Variants in SOD2 observed in about 807,000 individuals in gnomAD.
SOD2 encodes the protein superoxide dismutase 2, also known as superoxide dismutase [Mn], mitochondrial.
Under a neutral mutation model 27.0 loss-of-function variants are expected in SOD2, and 11 were observed. The ratio of observed to expected loss-of-function variants is 0.41; its 90% CI spans 0.26 to 0.67. The LOEUF is 0.67. SOD2 is among the 30% of genes least tolerant of loss of function. The pLI is 0.34. For missense variants in SOD2, 250 were observed against 274.5 expected, an observed-to-expected ratio of 0.91 and a Z score of 0.63; for synonymous variants, 105 against 103.0, an observed-to-expected ratio of 1.02 and a Z score of -0.12.
chr6:159,720,744 C>T (rs928820495), intron 1 of SOD2, among the ~76,000 whole-genome samples: 3 of 150,668 alleles, frequency 2.0e-5, no homozygotes, highest in African/African-American at 7.3e-5. Context: ...CTTGTATTCT[C>T]TGTAAACTGG....
intron 1 of SOD2, among the ~76,000 whole-genome samples, chr6:159,710,270 C>CATATATATATATATATATAT (rs141490345): frequency 7.7e-5 from 11 of 143,476 alleles, no homozygotes; most frequent in African/African-American, 2.9e-4. Context: ...AGTATAAATA[C>CATATATATATATATATATAT]ATATATATAT....
chr6:159,720,651 AT>A (rs1778017860), intron 1 of SOD2: 2 of 152,126 alleles, frequency 1.3e-5, no homozygotes, highest in African/African-American at 4.8e-5. Context: ...CTCAATAACT[AT>A]TTATTGCTTA....
At chr6:159,708,833 C>T (rs1051093237) in intron 1 of SOD2, among the ~76,000 whole-genome samples, 11 of 152,156 alleles carry the variant, frequency 7.2e-5, no homozygotes, top group African/African-American at 2.7e-4. Flanking sequence ...GCCAAAAGAA[C>T]AAAGCTGGAG....
At chr6:159,711,941 C>T (rs1461612621) in intron 1 of SOD2, among the ~76,000 whole-genome samples, 3 of 125,074 alleles carry the variant, frequency 2.4e-5, no homozygotes, top group Non-Finnish European at 5.2e-5. Flanking sequence ...AACCACCACT[C>T]ACATTGCTCT....
At chr6:159,731,186 G>A (rs2114871352), upstream of SOD2, among the ~76,000 whole-genome samples, 1 of 151,710 alleles carries the variant, frequency 6.6e-6, no homozygotes, top group Non-Finnish European at 1.5e-5. Flanking sequence ...TGCAGGCTGG[G>A]CATGGTGGCT....
In SOD2 at chr6:159,678,426, C is replaced by A. The variant is rs996710547; in HGVS notation, c.*4067G>T. On this transcript the variant is annotated 3_prime_UTR_variant, in exon 5 of 5. Coordinates refer to ENST00000538183, the MANE Select transcript of SOD2 (RefSeq NM_000636.4). ...CTTGTAATCCCAGCTACTTGGGAGG[C>A]TGAGGCATGAGAATCGCTTGAACTC... The A allele has an allele frequency of 6.6e-6, 1 of 152,168 alleles. No homozygotes were observed. Among genetic ancestry groups the A allele is most frequent in the Non-Finnish European group, 1.5e-5 (1 of 68,094 alleles). 9.4% of individuals were successfully genotyped at this position (152,168 alleles called of 1,614,324 possible). A position where few individuals can be genotyped will look rare whatever the true frequency, so the allele number is the denominator to read the frequency against.
chr6:159,712,456 T>A (rs201371467), intron 1 of SOD2, among the ~76,000 whole-genome samples: 465 of 16,748 alleles, frequency 0.028, 62 homozygotes, highest in Admixed American at 0.035. Flanking sequence ...TGCTCAGACC[T>A]CCATAACCAC....
chr6:159,690,844 A>C (rs1780428722), intron 2 of SOD2: 1 of 152,192 alleles, frequency 6.6e-6, no homozygotes, highest in South Asian at 2.1e-4. Context: ...GCTTTTAAGA[A>C]CACTTTTCTG....
upstream of SOD2, among the ~76,000 whole-genome samples, chr6:159,746,287 G>C (rs1311744697): frequency 3.9e-5 from 6 of 152,152 alleles, no homozygotes; most frequent in Non-Finnish European, 7.4e-5. Flanking sequence ...GGAGTTTGGA[G>C]GGAATAGGTT....
chr6:159,673,408 C>T lies in SOD2; in HGVS notation c.*9085G>A, dbSNP rs1779710280. On this transcript the variant is annotated 3_prime_UTR_variant, in exon 5 of 5. Coordinates refer to ENST00000538183, the MANE Select transcript of SOD2 (RefSeq NM_000636.4). ...AATTATAACATACTGTCTCAGACCACAGTGCAATCAAACTAGAACTCAGGA... is the reference window on the plus strand; with the variant it reads ...AATTATAACATACTGTCTCAGACCATAGTGCAATCAAACTAGAACTCAGGA... 6.6e-6 allele frequency: 1 copy of T among 152,196 alleles called. No individual in the cohort carries two copies. Among genetic ancestry groups the T allele is most frequent in the African/African-American group, 2.4e-5 (1 of 41,456 alleles). The allele number at this position is 152,196 out of a possible 1,614,324, so 9.4% of individuals were successfully genotyped here. A position where few individuals can be genotyped will look rare whatever the true frequency, so the allele number is the denominator to read the frequency against.
At position 159,755,693 on chromosome 6, in the gene SOD2, C is replaced by A. The variant is rs1482251578; in HGVS notation, c.-336+5344G>T. The A allele has an allele frequency of 1.1e-5, 12 of 1,124,878 alleles. 1 individual carries two copies. In the South Asian group the frequency reaches 1.8e-4, roughly 17 times the overall value. The allele number at this position is 1,124,878 out of a possible 1,614,324, so 69.7% of individuals were successfully genotyped here. On this transcript the variant is annotated intron_variant, in intron 1 of 7. Coordinates refer to the SOD2 transcript ENST00000546087. The stretch of plus-strand genomic sequence containing the variant: ...AGAAAATTAATGCATACTTTTGTCA[C>A]AATTTGCCTTTTTGTGGGTGTACGT...
chr6:159,672,913 A>C lies in SOD2; in HGVS notation c.*9580T>G, dbSNP rs974033838. ...AAGGATGGAGGAAGATCTACCAAGC[A>C]AACGGAAAACAAAAAAAAAGGCCGG... On this transcript the variant is annotated 3_prime_UTR_variant, in exon 5 of 5. Coordinates refer to ENST00000538183, the MANE Select transcript of SOD2 (RefSeq NM_000636.4). The C allele has an allele frequency of 6.6e-6, 1 of 152,108 alleles. No individual in the cohort carries two copies. Among genetic ancestry groups the C allele is most frequent in the African/African-American group, 2.4e-5 (1 of 41,384 alleles). The allele number at this position is 152,108 out of a possible 1,614,324, so 9.4% of individuals were successfully genotyped here. A position where few individuals can be genotyped will look rare whatever the true frequency, so the allele number is the denominator to read the frequency against.
upstream of SOD2, chr6:159,727,588 G>C (rs1044402167): frequency 1.4e-5 from 14 of 986,922 alleles, no homozygotes; most frequent in Middle Eastern, 1.0e-3. Context: ...AGCGCGGCGG[G>C]GCCGGCGGCA....
chr6:159,675,562 T>C lies in SOD2; in HGVS notation c.*6931A>G, dbSNP rs1779760002. 6.6e-6 allele frequency: 1 copy of C among 152,202 alleles called. No homozygotes were observed. Among genetic ancestry groups the C allele is most frequent in the Non-Finnish European group, 1.5e-5 (1 of 68,042 alleles). 9.4% of individuals were successfully genotyped at this position (152,202 alleles called of 1,614,324 possible). On this transcript the variant is annotated 3_prime_UTR_variant, in exon 5 of 5. Coordinates refer to ENST00000538183, the MANE Select transcript of SOD2 (RefSeq NM_000636.4). ...CTAGCCACATGTAGAAAGCTGAAAC[T>C]GGATCCCTTCCTTACACCTTATACA... is the stretch of plus-strand genomic sequence containing the variant.
At position 159,737,574 on chromosome 6, in the gene SOD2, G is replaced by A. The variant is rs150836030; in HGVS notation, c.-116+7556C>T. 5.2e-3 allele frequency among the ~76,000 whole-genome samples: 785 copies of A among 151,958 alleles called. 5 individuals are homozygous for A. Among genetic ancestry groups the A allele is most frequent in the African/African-American group, 0.018 (743 of 41,422 alleles). The stretch of plus-strand genomic sequence containing the variant: ...AGTGGTACAATCTTGGCTCATTGTG[G>A]CCTCATACCCCAGCTTATGCGATCC... On this transcript the variant is annotated intron_variant, in intron 1 of 3. Transcript: ENST00000537657.
At chr6:159,719,653 G>T (rs1333115684) in intron 1 of SOD2, among the ~76,000 whole-genome samples, 1 of 150,380 alleles carries the variant, frequency 6.6e-6, no homozygotes, top group African/African-American at 2.4e-5. Flanking sequence ...AAAGTTGCAG[G>T]CTAAGTATTA....
chr6:159,711,204 T>C (rs62437324), intron 1 of SOD2, among the ~76,000 whole-genome samples: 401 of 26,038 alleles, frequency 0.015, 2 homozygotes, highest in Middle Eastern at 0.036. Flanking sequence ...ACCACTCACA[T>C]TGCTCTGATC....
intron 1 of SOD2, among the ~76,000 whole-genome samples, chr6:159,723,839 A>T (rs78875025): frequency 0.012 from 1,810 of 152,222 alleles, 43 homozygotes; most frequent in African/African-American, 0.042. Context: ...GCTCATTGTA[A>T]CTTTAAACTC....
chr6:159,699,332 G>A (rs1400986428), intron 1 of SOD2, among the ~76,000 whole-genome samples: 8 of 152,132 alleles, frequency 5.3e-5, no homozygotes, highest in African/African-American at 1.9e-4. Context: ...CCTCAGTGAA[G>A]ACCCAGCTTC....
Sources: allele counts gnomAD v4.1 joint callset (sites outside exome capture counted in the v4.1 genomes callset), GRCh38; gene constraint gnomAD v4.1.1; transcripts MANE v1.5; gene names NCBI Gene and HGNC (gene_info 2026-07-23, HGNC 2026-07-21).